The following CD101 variants were observed in gnomAD, a reference collection of about 807,000 sequenced individuals.
CD101 encodes the protein CD101 molecule.
In CD101, 76 loss-of-function variants were observed where a neutral mutation model predicts 98.2. The ratio of observed to expected loss-of-function variants is 0.77; its 90% CI spans 0.64 to 0.94. The LOEUF (loss-of-function observed/expected upper bound fraction) is 0.94. CD101 is among the 40% of genes least tolerant of loss of function. The pLI, the probability that CD101 is intolerant of heterozygous loss-of-function variation, is 0.00. For missense variants in CD101, 1,145 were observed against 1,218.8 expected, an observed-to-expected ratio of 0.94 and a Z score of 0.90; for synonymous variants, 471 against 472.7, an observed-to-expected ratio of 1.00 and a Z score of 0.05.
In CD101 at chr1:117,033,960, C is replaced by T. The variant is rs2101172976; in HGVS notation, c.2925C>T (p.Leu975=). 6.2e-7 allele frequency: 1 copy of T among 1,614,196 alleles called. No homozygotes were observed. Among genetic ancestry groups the T allele is most frequent in the Non-Finnish European group, 8.5e-7 (1 of 1,180,042 alleles). The change falls in exon 9 of 10, where the codon CTC becomes CTT. Residue 975 remains leucine, a synonymous_variant. Transcript: ENST00000682167. The surrounding 1 kb of genome is among the most constrained non-coding windows in gnomAD (Gnocchi z 4.8). ...TCCTCCTTCTGCTCATCTCCCTCCT[C>T]TGCTTATACTGGAAGGCCAGGAAGT... ...VLLLLLLISL[L]CLYWKARKLS... is the part of the protein sequence containing the mutation.
At position 117,011,778 on chromosome 1, in the gene CD101, C is replaced by T; in HGVS notation, c.653C>T (p.Ala218Val). The change falls in exon 3 of 10, where the codon GCA becomes GTA. Residue 218 changes from alanine (A) to valine (V), a missense_variant. Physicochemically the swap from Ala to Val is moderately conservative, Grantham distance 64. Coordinates refer to ENST00000682167, the MANE Select transcript of CD101 (RefSeq NM_001256106.3). ...GGGCCCTTGTATACAGAGCGGTTTG[C>T]AGCCAGTGACGTACAGCTCAACAAA... Reference protein sequence around the residue: ...VPGPLYTERFAASDVQLNKLG... With the variant: ...VPGPLYTERFVASDVQLNKLG... 1 of 1,614,144 alleles carries T rather than the reference C, an allele frequency of 6.2e-7. No individual in the cohort carries two copies.
intron 4 of CD101, among the ~76,000 whole-genome samples, chr1:117,014,247 G>C (rs1653074600): frequency 1.3e-5 from 2 of 148,868 alleles, no homozygotes. Flanking sequence ...TAGGTTAAGA[G>C]TAAAAAGCTA....
intron 8 of CD101, chr1:117,026,144 C>A: frequency 2.4e-6 from 1 of 423,288 alleles, no homozygotes; most frequent in Non-Finnish European, 4.2e-6. Context: ...TCTGACAGGT[C>A]CATGTCTTTC....
At position 117,021,574 on chromosome 1, in the gene CD101, G is replaced by A; in HGVS notation, c.2019G>A (p.Glu673=). ...ACTGTTTCATTTTTTTAAATTTAGAGAGCAAGCTAAAAGTGAATTCAAGGA... is the reference window on the plus strand; with the variant it reads ...ACTGTTTCATTTTTTTAAATTTAGAAAGCAAGCTAAAAGTGAATTCAAGGA... The part of the protein sequence containing the change: ...HPLRIAVTLP[E]SKLKVNSRSQ... Residue 673 remains glutamate (E), a splice_region_variant and synonymous_variant, in exon 7 of 10, where the codon GAG becomes GAA. Coordinates refer to ENST00000682167, the MANE Select transcript of CD101 (RefSeq NM_001256106.3). This position sits in a 1 kb window ranked among gnomAD's most constrained non-coding sequence, Gnocchi z 4.7. 1 of 1,561,594 alleles carries A rather than the reference G, an allele frequency of 6.4e-7. No individual in the cohort carries two copies. The highest frequency in any genetic ancestry group is 8.6e-7 in the Non-Finnish European group (1 of 1,159,400).
chr1:117,021,580 G>C lies in CD101; in HGVS notation c.2025G>C (p.Lys675Asn), dbSNP rs1557773694. The C allele has an allele frequency of 6.4e-7, 1 of 1,574,296 alleles. No homozygotes were observed. The highest frequency in any genetic ancestry group is 8.6e-7 in the Non-Finnish European group (1 of 1,165,138). ...TCATTTTTTTAAATTTAGAGAGCAA[G>C]CTAAAAGTGAATTCAAGGAGTCAAG... ...LRIAVTLPES[K>N]LKVNSRSQVQ... Residue 675 changes from lysine (K) to asparagine (N), a missense_variant, in exon 7 of 10, where the codon AAG becomes AAC. Transcript: ENST00000682167. The surrounding 1 kb of genome is among the most constrained non-coding windows in gnomAD (Gnocchi z 4.7).
In CD101 at chr1:117,033,767, T is replaced by C. The variant is rs190096571; in HGVS notation, c.2825-93T>C. The C allele has an allele frequency of 9.3e-3, 14,237 of 1,538,288 alleles. 82 individuals carry two copies. Among genetic ancestry groups the C allele is most frequent in the Middle Eastern group, 0.022 (128 of 5,730 alleles). On this transcript the variant is annotated intron_variant, in intron 8 of 9. Coordinates refer to ENST00000682167, the MANE Select transcript of CD101 (RefSeq NM_001256106.3). This position sits in a 1 kb window ranked among gnomAD's most constrained non-coding sequence, Gnocchi z 4.8. ...TTGGCCCCATTATTTTTACATATAC[T>C]TGCCTATAACAATAAATCCCAGGAG...
Position 117,025,552 on chromosome 1 carries a change from G to A in CD101, c.2472G>A (p.Val824=). 1 of 1,604,550 alleles carries A rather than the reference G, an allele frequency of 6.2e-7. No homozygotes were observed. The highest frequency in any genetic ancestry group is 1.1e-5 in the South Asian group (1 of 90,440). Residue 824 remains valine, a synonymous_variant, in exon 8 of 10, where the codon GTG becomes GTA. Transcript: ENST00000682167. ...CCAAAGTGTACTGGACCGAAAATGT[G>A]ACTGAGCACAGAGAAGTGGCCATCC... The part of the protein sequence containing the change: ...RVSKVYWTEN[V]TEHREVAIRC...
chr1:117,007,612 A>T (rs2806872), intron 1 of CD101, among the ~76,000 whole-genome samples: 87,016 of 151,972 alleles, frequency 0.57, 25,168 homozygotes, highest in East Asian at 0.67. Flanking sequence ...CCTCCCAAAG[A>T]GCTAGGATTA....
In CD101 at chr1:117,025,489, A is replaced by C; in HGVS notation, c.2429-20A>C. On this transcript the variant is annotated intron_variant, in intron 7 of 9. Transcript: ENST00000682167. The stretch of plus-strand genomic sequence containing the variant: ...TCTGAAAGTCTGCATTCTCTAATTT[A>C]CTGCCATTTTATTTTCTAGGAAGTA... 6.6e-7 allele frequency: 1 copy of C among 1,509,728 alleles called. No individual in the cohort carries two copies. The highest frequency in any genetic ancestry group is 8.8e-7 in the Non-Finnish European group (1 of 1,134,276). The allele number at this position is 1,509,728 out of a possible 1,614,324, so 93.5% of individuals were successfully genotyped here. A position where few individuals can be genotyped will look rare whatever the true frequency, so the allele number is the denominator to read the frequency against.
Position 117,021,782 on chromosome 1 carries a change from C to T in CD101, c.2227C>T (p.His743Tyr), listed in dbSNP as rs201701671. 3.7e-6 allele frequency: 6 copies of T among 1,614,040 alleles called. No individual in the cohort carries two copies. The highest frequency in any genetic ancestry group is 5.1e-6 in the Non-Finnish European group (6 of 1,179,976). The change falls in exon 7 of 10, where the codon CAC becomes TAC. Residue 743 changes from histidine (H) to tyrosine (Y), a missense_variant. By Grantham distance (83) the His-to-Tyr change is moderately conservative. Coordinates refer to ENST00000682167, the MANE Select transcript of CD101 (RefSeq NM_001256106.3). The surrounding 1 kb of genome is among the most constrained non-coding windows in gnomAD (Gnocchi z 4.7). ...TNVIKTGDEFHTPQRKQKFHT... is the reference protein window; with the variant it reads ...TNVIKTGDEFYTPQRKQKFHT... ...TGTTATAAAAACTGGGGATGAGTTT[C>T]ACACCCCACAGAGAAAACAAAAATT...
chr1:117,035,715 A>G (rs944366116), intron 9 of CD101, among the ~76,000 whole-genome samples: 5 of 151,760 alleles, frequency 3.3e-5, no homozygotes, highest in African/African-American at 9.7e-5. Context: ...ATGCCTGGCT[A>G]ATTTTTTTTT....
Position 117,021,754 on chromosome 1 carries a change from CA to C in CD101, c.2201del (p.Asn734MetfsTer3), listed in dbSNP as rs771046962. ...TAAAGATCCTGGAGATGGACCAAAC[CA>C]ATGTTATAAAAACTGGGGATGAGTT... ...WLKILEMDQTNVIKTGDEFHT... is the reference protein window; with the variant it reads ...WLKILEMDQTXVIKTGDEFHT... On this transcript the variant is annotated frameshift_variant, in exon 7 of 10. Coordinates refer to ENST00000682167, the MANE Select transcript of CD101 (RefSeq NM_001256106.3). LOFTEE classifies it high-confidence loss of function. This position sits in a 1 kb window ranked among gnomAD's most constrained non-coding sequence, Gnocchi z 4.7. The C allele has an allele frequency of 1.9e-6, 3 of 1,613,970 alleles. No individual in the cohort carries two copies. Among genetic ancestry groups the C allele is most frequent in the Non-Finnish European group, 2.5e-6 (3 of 1,179,970 alleles).
chr1:117,025,659 A>G lies in CD101; in HGVS notation c.2579A>G (p.Lys860Arg). 6.2e-7 allele frequency: 1 copy of G among 1,614,182 alleles called. No homozygotes were observed. Among genetic ancestry groups the G allele is most frequent in the Non-Finnish European group, 8.5e-7 (1 of 1,180,028 alleles). The change falls in exon 8 of 10, where the codon AAA (lysine) becomes AGA (arginine). Residue 860 changes from lysine to arginine, a missense_variant. Coordinates refer to ENST00000682167, the MANE Select transcript of CD101 (RefSeq NM_001256106.3). ...TGGAACAGAGAAAACTCTGGAAGTA[A>G]ATTGCTGGTGCACTTGCAACATGAT... ...WYWNRENSGS[K>R]LLVHLQHDGL...
chr1:117,013,626 G>A lies in CD101; in HGVS notation c.1062G>A (p.Lys354=), dbSNP rs1292217997. 1.2e-6 allele frequency: 2 copies of A among 1,614,040 alleles called. No homozygotes were observed. Among genetic ancestry groups the A allele is most frequent in the East Asian group, 2.2e-5 (1 of 44,902 alleles). The part of the protein sequence containing the change: ...RASQGELQVS[K]LGPKAFSLKI... ...GTCAAGGAGAGCTCCAGGTTTCAAA[G>A]TTAGGCCCCAAGGCTTTCTCTCTCA... Residue 354 remains lysine, a synonymous_variant, in exon 4 of 10, where the codon AAG becomes AAA. Transcript: ENST00000682167.
intron 1 of CD101, among the ~76,000 whole-genome samples, chr1:117,007,437 T>C (rs1280260227): frequency 6.6e-6 from 1 of 152,002 alleles, no homozygotes; most frequent in Non-Finnish European, 1.5e-5. Context: ...AACCTCTGCC[T>C]CCTGAGTTCA....
intron 8 of CD101, among the ~76,000 whole-genome samples, chr1:117,028,463 C>T (rs1354672795): frequency 1.3e-5 from 2 of 152,156 alleles, no homozygotes; most frequent in African/African-American, 2.4e-5. Context: ...TTCAGAGTAA[C>T]TGTGAGTTAT....
At chr1:117,007,631 A>G (rs1652615275) in intron 1 of CD101, among the ~76,000 whole-genome samples, 1 of 152,182 alleles carries the variant, frequency 6.6e-6, no homozygotes, top group African/African-American at 2.4e-5. Context: ...TACAGGCATG[A>G]GCCACCTCGC....
rs1427619509 is a variant in CD101 at position 117,012,169 on chromosome 1, T to C, written c.841+203T>C. ...TCTGGCTCTGCCCACGGATTCTTTA[T>C]GGGATAAGGTCTACTGAGTGGCTAG... On this transcript the variant is annotated intron_variant, in intron 3 of 9. Coordinates refer to ENST00000682167, the MANE Select transcript of CD101 (RefSeq NM_001256106.3). This position sits in a 1 kb window ranked among gnomAD's most constrained non-coding sequence, Gnocchi z 4.0. Among the ~76,000 whole-genome samples, 1 of 152,230 alleles carries C rather than the reference T, an allele frequency of 6.6e-6. No individual in the cohort carries two copies. Among genetic ancestry groups the C allele is most frequent in the African/African-American group, 2.4e-5 (1 of 41,460 alleles).
chr1:117,011,714 G>A lies in CD101; in HGVS notation c.589G>A (p.Glu197Lys). ...GGATGGAGGAGGAAGCCAAGCCACT[G>A]AGATTATTTCTCTCTCCAAAGATTT... The part of the protein sequence containing the change: ...TQDGGGSQAT[E>K]IISLSKDFIL... Residue 197 changes from glutamate (E) to lysine (K), a missense_variant, in exon 3 of 10, where the codon GAG becomes AAG. Transcript: ENST00000682167. 6.8e-6 allele frequency: 11 copies of A among 1,614,152 alleles called. No individual in the cohort carries two copies. The highest frequency in any genetic ancestry group is 9.3e-6 in the Non-Finnish European group (11 of 1,180,016).
Sources: gnomAD v4.1 joint callset for allele counts (sites outside exome capture counted in the v4.1 genomes callset) on GRCh38, gnomAD v4.1.1 for gene constraint, Gnocchi (gnomAD v3.1) non-coding constraint, MANE v1.5 for transcripts, NCBI Gene and HGNC (gene_info 2026-07-23, HGNC 2026-07-21) for gene names.